CHD8: variants seen among roughly 807,000 people sequenced by gnomAD.
CHD8 encodes the protein ATP-dependent chromatin remodeler CHD8.
Under a neutral mutation model 279.2 loss-of-function variants are expected in CHD8, and 31 were observed. The observed-to-expected ratio is 0.11, with a 90% CI of 0.08 to 0.15. The LOEUF (loss-of-function observed/expected upper bound fraction) is 0.15, where lower values mean the gene tolerates loss of function less well. Among genes scored for constraint, CHD8 ranks in the 10% least tolerant of loss-of-function variants. The pLI, the probability that CHD8 is intolerant of heterozygous loss-of-function variation, is 1.00. For missense variants in CHD8, 2,146 were observed against 3,230.5 expected (o/e 0.66, Z 8.14); for synonymous variants, 1,081 against 1,139.6 (o/e 0.95, Z 1.04).
At chr14:21,422,935 AAAG>A (rs758690666) in intron 5 of CHD8, among the ~76,000 whole-genome samples, 40 of 152,132 alleles carry the variant, frequency 2.6e-4, no homozygotes, top group Non-Finnish European at 4.4e-4. Context: ...TCTCAGAAAA[AAAG>A]AAGGCCAGGC....
At chr14:21,393,355 C>T in intron 32 of CHD8, 101 bp from the exon 33 acceptor site, 1 of 1,529,878 alleles carries the variant, frequency 6.5e-7, no homozygotes, top group Non-Finnish European at 8.8e-7. Context: ...AAGAATGGCA[C>T]TCTTTTGACA....
chr14:21,446,097 CAGA>C (rs904645758), intron 1 of CHD8, among the ~76,000 whole-genome samples: 1 of 152,082 alleles, frequency 6.6e-6, no homozygotes, highest in African/African-American at 2.4e-5. Flanking sequence ...GAGGCTGAGG[CAGA>C]AGAATTGCTT....
chr14:21,387,979 G>GTAT (rs1566406487), intron 37 of CHD8, among the ~76,000 whole-genome samples: 1 of 152,098 alleles, frequency 6.6e-6, no homozygotes. Flanking sequence ...GCTCTATAAT[G>GTAT]TTAAATTAAA....
chr14:21,403,127 G>A lies in CHD8; in HGVS notation c.3604C>T (p.Arg1202Cys). 6.2e-7 allele frequency: 1 copy of A among 1,614,022 alleles called. No individual in the cohort carries two copies. The highest frequency in any genetic ancestry group is 8.5e-7 in the Non-Finnish European group (1 of 1,179,898). The change falls in exon 18 of 38, where the codon CGC (arginine) becomes TGC (cysteine). Residue 1202 changes from arginine to cysteine, a missense_variant. Physicochemically the swap from Arg to Cys is radical, Grantham distance 180. Transcript: ENST00000646647. The surrounding 1 kb of genome is among the most constrained non-coding windows in gnomAD (Gnocchi z 4.3). ...CGGGTACACAGTAAGAAGACAAAGCGGTCTGAGTCAGGCTTGCTGAAGCGG... is the reference window on the plus strand; with the variant it reads ...CGGGTACACAGTAAGAAGACAAAGCAGTCTGAGTCAGGCTTGCTGAAGCGG... ...IDRFSKPDSD[R>C]FVFLLCTRAG...
chr14:21,423,960 C>T (rs544319826), intron 5 of CHD8, among the ~76,000 whole-genome samples: 43 of 152,220 alleles, frequency 2.8e-4, no homozygotes, highest in Admixed American at 4.6e-4. Flanking sequence ...AAATCTGGCT[C>T]CAGAGTCTGT....
intron 1 of CHD8, chr14:21,455,152 G>GA (rs1333276053): frequency 1.3e-5 from 2 of 152,210 alleles, no homozygotes; most frequent in African/African-American, 4.8e-5. Flanking sequence ...TTCTTTAATA[G>GA]AAAAAGACAG....
rs1183938054 is a variant in CHD8, at chr14:21,437,357, A to G, written c.-215-5499T>C. The G allele has an allele frequency of 6.1e-6, 5 of 816,064 alleles. No individual in the cohort carries two copies. In the South Asian group the frequency reaches 7.5e-5, roughly 12 times the overall value. The allele number at this position is 816,064 out of a possible 1,614,324, so 50.6% of individuals were successfully genotyped here. ...GGCGAAAAGACGCAAAACAGCGCAA[A>G]GGGTGGGACTATAAGGAGCTCCCTT... On this transcript the variant is annotated intron_variant, in intron 1 of 37. Coordinates refer to ENST00000646647, the MANE Select transcript of CHD8 (RefSeq NM_001170629.2).
chr14:21,431,280 C>T lies in CHD8; in HGVS notation c.364G>A (p.Val122Ile), dbSNP rs1334733384. 2 of 1,582,840 alleles carry T rather than the reference C, an allele frequency of 1.3e-6. No individual in the cohort carries two copies. Among genetic ancestry groups the T allele is most frequent in the Non-Finnish European group, 1.7e-6 (2 of 1,171,744 alleles). ...CTCAGGATCTCCTGGCTCTTGGAGA[C>T]TTGCAAAAGTCCTGATGTTGGCGTC... Reference protein sequence around the residue: ...TSTPTSGLLQVSKSQEILSQG... With the variant: ...TSTPTSGLLQISKSQEILSQG... The change falls in exon 2 of 38, where the codon GTC (valine) becomes ATC (isoleucine). Residue 122 changes from valine (V) to isoleucine (I), a missense_variant. Physicochemically the swap from Val to Ile is conservative, Grantham distance 29. Coordinates refer to ENST00000646647, the MANE Select transcript of CHD8 (RefSeq NM_001170629.2).
In CHD8 at chr14:21,405,023, G is replaced by A. The variant is rs1888201142; in HGVS notation, c.3307+186C>T. The A allele has an allele frequency of 3.3e-6, 2 of 600,916 alleles. No homozygotes were observed. Among genetic ancestry groups the A allele is most frequent in the Non-Finnish European group, 5.8e-6 (2 of 347,318 alleles). 37.2% of individuals were successfully genotyped at this position (600,916 alleles called of 1,614,324 possible). ...ATTTTTGTATTTTTTGTAGAGGTGG[G>A]ATTTCATCATGTTGCCCAGGCTTAG... On this transcript the variant is annotated intron_variant, in intron 16 of 37. Coordinates refer to ENST00000646647, the MANE Select transcript of CHD8 (RefSeq NM_001170629.2). This position sits in a 1 kb window ranked among gnomAD's most constrained non-coding sequence, Gnocchi z 4.2.
Position 21,412,987 on chromosome 14 carries a change from G to T in CHD8, c.2152C>A (p.Pro718Thr). Residue 718 changes from proline (P) to threonine (T), a missense_variant, in exon 10 of 38, where the codon CCC (proline) becomes ACC (threonine). Transcript: ENST00000646647. ...ACCTCTACGTAGTCTGGATTAAAGG[G>T]CTCTTCATCCTAGATGAGTTAGGAA... Reference protein sequence around the residue: ...MRHFFHEDEEPFNPDYVEVDR... With the variant: ...MRHFFHEDEETFNPDYVEVDR... 2 of 1,601,082 alleles carry T rather than the reference G, an allele frequency of 1.2e-6. No homozygotes were observed. Among genetic ancestry groups the T allele is most frequent in the South Asian group, 1.1e-5 (1 of 90,476 alleles).
chr14:21,399,048 C>T, intron 26 of CHD8: 1 of 389,450 alleles, frequency 2.6e-6, no homozygotes, highest in Non-Finnish European at 5.1e-6. Context: ...TGACCAGCAG[C>T]ATCTGATATT....
Position 21,405,886 on chromosome 14 carries a change from GAATAA to G in CHD8, c.2908-27_2908-23del, listed in dbSNP as rs775559264. The G allele has an allele frequency of 4.4e-6, 7 of 1,591,724 alleles. No individual in the cohort carries two copies. The East Asian group carries it at 1.3e-4, about 31-fold the overall frequency. On this transcript the variant is annotated intron_variant, in intron 14 of 37. Transcript: ENST00000646647. The surrounding 1 kb of genome is among the most constrained non-coding windows in gnomAD (Gnocchi z 4.2). ...GTTCCTAGAAATGGAGGAAACAAAAGAATAAAATTTAAAAACATGAAGGACTTCTG... is the reference window on the plus strand; with the variant it reads ...GTTCCTAGAAATGGAGGAAACAAAAGAATTTAAAAACATGAAGGACTTCTG...
Position 21,409,929 on chromosome 14 carries a change from C to T in CHD8, c.2286G>A (p.Glu762=). 6.2e-7 allele frequency: 1 copy of T among 1,613,726 alleles called. No homozygotes were observed. Among genetic ancestry groups the T allele is most frequent in the South Asian group, 1.1e-5 (1 of 91,074 alleles). ...TGCCCTCATCAACATCTTCTTTTAG[C>T]TCCCATGTGCTATCCTCATAGGGCA... ...CSLPYEDSTW[E]LKEDVDEGKI... The change falls in exon 11 of 38, where the codon GAG becomes GAA. Residue 762 remains glutamate, a synonymous_variant. Coordinates refer to ENST00000646647, the MANE Select transcript of CHD8 (RefSeq NM_001170629.2).
chr14:21,413,652 CCTGAAGCG>C, intron 9 of CHD8: 1 of 152,824 alleles, frequency 6.5e-6, no homozygotes, highest in East Asian at 1.9e-4. Context: ...GCCTTGGCCT[CCTGAAGCG>C]CTGGGATTAC....
At chr14:21,446,317 CTTTTTTTT>C (rs71112587) in intron 1 of CHD8, among the ~76,000 whole-genome samples, 1 of 137,542 alleles carries the variant, frequency 7.3e-6, no homozygotes, top group Non-Finnish European at 1.5e-5. Flanking sequence ...TCTTCTTCTT[CTTTTTTTT>C]TTTTTTTTGA....
chr14:21,444,673 A>G (rs1890068850), intron 1 of CHD8, among the ~76,000 whole-genome samples: 1 of 152,086 alleles, frequency 6.6e-6, no homozygotes, highest in Admixed American at 6.5e-5. Context: ...ACACTTTTCA[A>G]GTTTTCCTTC....
In CHD8 at chr14:21,425,159, G is replaced by C. The variant is rs548821394; in HGVS notation, c.1716+969C>G. 1.2e-3 allele frequency among the ~76,000 whole-genome samples: 184 copies of C among 152,230 alleles called. 1 individual carries two copies. The highest frequency in any genetic ancestry group is 4.2e-3 in the African/African-American group (175 of 41,566). On this transcript the variant is annotated intron_variant, in intron 5 of 37. Coordinates refer to ENST00000646647, the MANE Select transcript of CHD8 (RefSeq NM_001170629.2). ...TTGTGCCTAACTACCCTAGTTCACA[G>C]AGTCAGAATCCTGAAGTGTAGAAAA...
chr14:21,421,944 A>C (rs528959825), intron 5 of CHD8, among the ~76,000 whole-genome samples: 1 of 152,242 alleles, frequency 6.6e-6, no homozygotes, highest in Admixed American at 6.5e-5. Flanking sequence ...CCACGTGAAG[A>C]CACAATGAGA....
At position 21,394,156 on chromosome 14, in the gene CHD8, T is replaced by A; in HGVS notation, c.5639A>T (p.Glu1880Val). Reference protein sequence around the residue: ...DPNLFIEPITEERASRTLYRI... With the variant: ...DPNLFIEPITVERASRTLYRI... ...GTAGAGAGTCCGTGAGGCTCTCTCC[T>A]CAGTGATGGGCTCAATGAACAGGTT... The change falls in exon 32 of 38, where the codon GAG (glutamate) becomes GTG (valine). Residue 1880 changes from glutamate to valine, a missense_variant. Coordinates refer to ENST00000646647, the MANE Select transcript of CHD8 (RefSeq NM_001170629.2). 6.2e-7 allele frequency: 1 copy of A among 1,608,316 alleles called. No individual in the cohort carries two copies. The highest frequency in any genetic ancestry group is 8.5e-7 in the Non-Finnish European group (1 of 1,176,046).
Sources: allele counts gnomAD v4.1 joint callset (sites outside exome capture counted in the v4.1 genomes callset), GRCh38; gene constraint gnomAD v4.1.1; non-coding constraint Gnocchi (gnomAD v3.1); transcripts MANE v1.5; gene names NCBI Gene and HGNC (gene_info 2026-07-23, HGNC 2026-07-21).